The following GLI3 variants were observed in gnomAD, a reference collection of about 807,000 sequenced individuals.
The protein encoded by GLI3 is transcription activator GLI3.
GLI3 carries 20 observed loss-of-function variants against 100.8 expected under a neutral mutation model. The observed-to-expected ratio is 0.20, with a 90% confidence interval of 0.14 to 0.29. The LOEUF (loss-of-function observed/expected upper bound fraction) is 0.29, where lower values mean the gene tolerates loss of function less well. Ranked by LOEUF, GLI3 falls within the 10% of genes least tolerant of loss-of-function variation. GLI3 has a pLI of 1.00. For missense variants in GLI3, 2,040 were observed against 2,128.5 expected, an observed-to-expected ratio of 0.96 and a Z score of 0.82; for synonymous variants, 938 against 860.5, an observed-to-expected ratio of 1.09 and a Z score of -1.58.
rs1330314895 is a variant in GLI3 at position 41,964,408 on chromosome 7, G to A, written c.4665C>T (p.Thr1555=). The part of the protein sequence containing the change: ...LPFPALSMST[T]NMAIGDMSSL... ...AACTCATGTCCCCGATAGCCATGTT[G>A]GTGGTGCTCATGGACAGCGCTGGGA... Residue 1555 remains threonine, a synonymous_variant, in exon 15 of 15, where the codon ACC becomes ACT. Transcript: ENST00000395925. 6.2e-7 allele frequency: 1 copy of A among 1,613,760 alleles called. No individual in the cohort carries two copies. Among genetic ancestry groups the A allele is most frequent in the Admixed American group, 1.7e-5 (1 of 60,010 alleles).
chr7:42,194,066 G>A (rs540561487), intron 2 of GLI3, among the ~76,000 whole-genome samples: 3 of 152,138 alleles, frequency 2.0e-5, no homozygotes, highest in South Asian at 2.1e-4. Context: ...TGATAGTATC[G>A]ATTTTTGTAT....
intron 1 of GLI3, among the ~76,000 whole-genome samples, chr7:42,228,287 T>G (rs1387500989): frequency 1.3e-5 from 2 of 150,990 alleles, no homozygotes; most frequent in Non-Finnish European, 2.9e-5. Flanking sequence ...GCAGAAGGGG[T>G]GCTCCCAGGC....
chr7:42,210,351 C>CA (rs1554340079), intron 2 of GLI3, among the ~76,000 whole-genome samples: 2,234 of 80,954 alleles, frequency 0.028, 28 homozygotes, highest in Non-Finnish European at 0.05. Context: ...CCCCCCCCCC[C>CA]CCCAAGTTAA....
chr7:42,070,672 A>T (rs1447675610), intron 4 of GLI3, among the ~76,000 whole-genome samples: 1 of 152,240 alleles, frequency 6.6e-6, no homozygotes, highest in South Asian at 2.1e-4. Context: ...TATAGTAAGT[A>T]TTCAAAAATG....
intron 4 of GLI3, among the ~76,000 whole-genome samples, chr7:42,055,052 C>CAT (rs1408354295): frequency 7.6e-6 from 1 of 132,408 alleles, no homozygotes; most frequent in African/African-American, 2.8e-5. Context: ...TATATATATA[C>CAT]ACACACATAT....
rs1787015502 is a variant in GLI3 at position 41,961,638 on chromosome 7, G to C, written c.*2692C>G. On this transcript the variant is annotated 3_prime_UTR_variant, in exon 15 of 15. Transcript: ENST00000395925. ...TGCATGTTTTAGAAAAGGCAGGATG[G>C]TGACACTAGTGAGGCGGTCCTCTCG... 1 of 152,192 alleles carries C rather than the reference G, an allele frequency of 6.6e-6. No individual in the cohort carries two copies. Among genetic ancestry groups the C allele is most frequent in the South Asian group, 2.1e-4 (1 of 4,828 alleles). The allele number at this position is 152,192 out of a possible 1,614,324, so 9.4% of individuals were successfully genotyped here.
At chr7:42,024,686 C>T (rs1197648127) in intron 9 of GLI3, among the ~76,000 whole-genome samples, 1 of 152,200 alleles carries the variant, frequency 6.6e-6, no homozygotes. Context: ...ATTTAAGTGA[C>T]TAGAGGCGGA....
chr7:42,182,666 A>ATATACATGTGTG (rs1554337086), intron 2 of GLI3, among the ~76,000 whole-genome samples: 127 of 79,146 alleles, frequency 1.6e-3, no homozygotes, highest in Non-Finnish European at 2.0e-3. Flanking sequence ...ATATATATAT[A>ATATACATGTGTG]TATATATATA....
At chr7:42,193,455 A>C (rs1252425160) in intron 2 of GLI3, among the ~76,000 whole-genome samples, 1 of 152,108 alleles carries the variant, frequency 6.6e-6, no homozygotes, top group Non-Finnish European at 1.5e-5. Context: ...CTAGAGTTCC[A>C]AGAAAAAAAA....
Position 42,075,449 on chromosome 7 carries a change from T to G in GLI3, c.473+1303A>C, listed in dbSNP as rs529355848. On this transcript the variant is annotated intron_variant, in intron 4 of 14. Transcript: ENST00000395925. ...TCTGTATCATAAAACCTCTGTATAATGGGGTGAATTACATGTCATGTTTCA... is the reference window on the plus strand; with the variant it reads ...TCTGTATCATAAAACCTCTGTATAAGGGGGTGAATTACATGTCATGTTTCA... Among the ~76,000 whole-genome samples the G allele has an allele frequency of 3.0e-3, 454 of 152,274 alleles. 1 individual carries two copies. Among genetic ancestry groups the G allele is most frequent in the African/African-American group, 0.011 (444 of 41,544 alleles).
intron 3 of GLI3, among the ~76,000 whole-genome samples, chr7:42,095,551 G>C (rs1403521468): frequency 6.6e-6 from 1 of 152,162 alleles, no homozygotes; most frequent in Non-Finnish European, 1.5e-5. Context: ...GAGGGGCTCT[G>C]GGAGAAGCAG....
intron 3 of GLI3, among the ~76,000 whole-genome samples, chr7:42,129,030 T>C (rs1786206466): frequency 6.6e-6 from 1 of 152,210 alleles, no homozygotes; most frequent in Admixed American, 6.5e-5. Context: ...GCAAACATAT[T>C]TCTCACCTGT....
chr7:42,245,036 G>A (rs970149548), intron 1 of GLI3, among the ~76,000 whole-genome samples: 12 of 152,182 alleles, frequency 7.9e-5, no homozygotes, highest in Admixed American at 1.3e-4. Flanking sequence ...AATGACTCAC[G>A]TCCCAGAATC....
At chr7:42,172,644 A>G (rs1426181312) in intron 2 of GLI3, 7 of 702,914 alleles carry the variant, frequency 1.0e-5, no homozygotes, top group South Asian at 7.4e-5. Context: ...GATGCATCCA[A>G]TCCTCCTGGT....
At chr7:42,228,888 A>G (rs1179719400) in intron 1 of GLI3, among the ~76,000 whole-genome samples, 1 of 152,126 alleles carries the variant, frequency 6.6e-6, no homozygotes, top group Non-Finnish European at 1.5e-5. Flanking sequence ...CCAATGTTCA[A>G]CCTCAACAAC....
At position 42,007,295 on chromosome 7, in the gene GLI3, T is replaced by A. The variant is rs114407357; in HGVS notation, c.1497+16173A>T. On this transcript the variant is annotated intron_variant, in intron 10 of 14. Coordinates refer to ENST00000395925, the MANE Select transcript of GLI3 (RefSeq NM_000168.6). Reference sequence around the variant, plus strand: ...AGATATTGCTACGCAACAGACAGAATGAGAAAGAGCTCAGCCAAGTTAAAA... The same window carrying A: ...AGATATTGCTACGCAACAGACAGAAAGAGAAAGAGCTCAGCCAAGTTAAAA... 3.3e-3 allele frequency among the ~76,000 whole-genome samples: 493 copies of A among 148,094 alleles called. 5 individuals carry two copies. The highest frequency in any genetic ancestry group is 0.012 in the African/African-American group (464 of 40,064).
At chr7:42,182,984 G>A (rs1236551810) in intron 2 of GLI3, among the ~76,000 whole-genome samples, 1 of 151,996 alleles carries the variant, frequency 6.6e-6, no homozygotes, top group Non-Finnish European at 1.5e-5. Context: ...ACTCTGGGAG[G>A]CCTAGGTGGG....
At chr7:42,250,997 C>T (rs1789025546) in intron 1 of GLI3, among the ~76,000 whole-genome samples, 1 of 152,130 alleles carries the variant, frequency 6.6e-6, no homozygotes, top group Non-Finnish European at 1.5e-5. Flanking sequence ...TATGAAAAAG[C>T]ATGGTGGGGA....
rs370482110 is a variant in GLI3 at position 42,193,426 on chromosome 7, G to A, written c.124+29704C>T. On this transcript the variant is annotated intron_variant, in intron 2 of 14. Transcript: ENST00000395925. ...CCAGGAACACACTCTGCCTGAGCTCGGAAGGACACACCTTTGATCTAGAGT... is the reference window on the plus strand; with the variant it reads ...CCAGGAACACACTCTGCCTGAGCTCAGAAGGACACACCTTTGATCTAGAGT... Among the ~76,000 whole-genome samples, 27 of 151,998 alleles carry A rather than the reference G, an allele frequency of 1.8e-4. No homozygotes were observed. The East Asian group carries it at 3.3e-3, about 18-fold the overall frequency.
Sources: allele counts gnomAD v4.1 joint callset (sites outside exome capture counted in the v4.1 genomes callset), GRCh38; gene constraint gnomAD v4.1.1; transcripts MANE v1.5; gene names NCBI Gene and HGNC (gene_info 2026-07-23, HGNC 2026-07-21).